ASB4: variants seen among roughly 807,000 people sequenced by gnomAD.
ASB4 encodes ankyrin repeat and SOCS box containing 4.
In ASB4, 35 loss-of-function variants were observed where a neutral mutation model predicts 38.6. That is an observed-to-expected ratio of 0.91 (90% CI 0.69 to 1.20). ASB4 has a LOEUF of 1.20. Ranked by LOEUF, ASB4 falls within the 50% of genes most tolerant of loss-of-function variation. The pLI, the probability that ASB4 is intolerant of heterozygous loss-of-function variation, is 0.00. For synonymous variants in ASB4, 195 were observed against 201.3 expected (o/e 0.97, Z 0.26); for missense variants, 557 against 527.2 (o/e 1.06, Z -0.55).
chr7:95,482,987 A>G (rs1397947849), upstream of ASB4, among the ~76,000 whole-genome samples: 1 of 152,180 alleles, frequency 6.6e-6, no homozygotes, highest in African/African-American at 2.4e-5. Context: ...GCTTAGGTTC[A>G]TGTCTATTCT....
In ASB4 at chr7:95,495,763, T is replaced by A; in HGVS notation, c.193T>A (p.Trp65Arg). The A allele has an allele frequency of 6.3e-7, 1 of 1,579,836 alleles. No individual in the cohort carries two copies. Residue 65 changes from tryptophan to arginine, a missense_variant, in exon 2 of 5, where the codon TGG becomes AGG. By Grantham distance (101) the Trp-to-Arg change is moderately radical. Transcript: ENST00000325885. ...CTTTTTTTTTTTTTTTTCAGGTTAC[T>A]GGTTGCCTAGCTATAAATTGAAGTC... ...MVLASYKQGY[W>R]LPSYKLKSSW...
rs1790771066 is a variant in ASB4, at chr7:95,528,212, C to T, written c.887C>T (p.Thr296Ile). 6.2e-7 allele frequency: 1 copy of T among 1,614,184 alleles called. No individual in the cohort carries two copies. The highest frequency in any genetic ancestry group is 8.5e-7 in the Non-Finnish European group (1 of 1,180,038). ...CAAIQYVLKV[T>I]SVRPAAQPEI... Reference sequence around the variant, plus strand: ...GCCATCCAGTACGTGCTGAAGGTCACCTCCGTGCGCCCTGCTGCCCAGCCT... The same window carrying T: ...GCCATCCAGTACGTGCTGAAGGTCATCTCCGTGCGCCCTGCTGCCCAGCCT... The change falls in exon 3 of 5, where the codon ACC (threonine) becomes ATC (isoleucine). Residue 296 changes from threonine to isoleucine, a missense_variant. Thr to Ile is a moderately conservative substitution (Grantham distance 89). Transcript: ENST00000325885.
chr7:95,529,781 G>A (rs181668378), intron 3 of ASB4, among the ~76,000 whole-genome samples: 2 of 152,072 alleles, frequency 1.3e-5, no homozygotes, highest in African/African-American at 4.8e-5. Context: ...GTTTTATACA[G>A]ACTATTTCAT....
At chr7:95,501,359 C>G (rs1790334684) in intron 2 of ASB4, among the ~76,000 whole-genome samples, 1 of 152,154 alleles carries the variant, frequency 6.6e-6, no homozygotes, top group Non-Finnish European at 1.5e-5. Flanking sequence ...ACAAGTCAAC[C>G]ACATGTTAGG....
chr7:95,528,557 C>A (rs981031320), intron 3 of ASB4: 1 of 1,417,728 alleles, frequency 7.1e-7, no homozygotes, highest in African/African-American at 1.4e-5. Context: ...TGTGTGAACA[C>A]CAGTGCACTG....
chr7:95,520,054 A>T (rs1790639290), intron 2 of ASB4, among the ~76,000 whole-genome samples: 1 of 152,232 alleles, frequency 6.6e-6, no homozygotes, highest in South Asian at 2.1e-4. Context: ...TAAAATTAAC[A>T]AAAACATCTA....
upstream of ASB4, among the ~76,000 whole-genome samples, chr7:95,475,673 C>T (rs1298419934): frequency 6.6e-5 from 10 of 152,262 alleles, no homozygotes; most frequent in South Asian, 8.3e-4. Context: ...CATGAGCCAC[C>T]GTGCCCGGCC....
chr7:95,502,316 A>G (rs919708361), intron 2 of ASB4, among the ~76,000 whole-genome samples: 1 of 151,528 alleles, frequency 6.6e-6, no homozygotes, highest in African/African-American at 2.4e-5. Context: ...CATACAAAAG[A>G]TAATACATAT....
chr7:95,472,693 C>G, the ASB4 span, among the ~76,000 whole-genome samples: 1 of 152,144 alleles, frequency 6.6e-6, no homozygotes, highest in Non-Finnish European at 1.5e-5. Context: ...GCTCTGAATT[C>G]CACAGCAGGG....
the ASB4 span, among the ~76,000 whole-genome samples, chr7:95,549,301 A>ATTTTTTTTT: frequency 2.6e-5 from 3 of 114,850 alleles, no homozygotes; most frequent in African/African-American, 1.1e-4. Context: ...AGGAGACTCC[A>ATTTTTTTTT]TTTTTTTTTT....
chr7:95,490,345 A>G (rs1790153773), intron 1 of ASB4, among the ~76,000 whole-genome samples: 1 of 151,998 alleles, frequency 6.6e-6, no homozygotes, highest in East Asian at 1.9e-4. Flanking sequence ...CCTTTCTTCG[A>G]TGTTCAAACT....
At chr7:95,480,223 A>G (rs537533144) in intron 1 of ASB4, among the ~76,000 whole-genome samples, 1 of 152,310 alleles carries the variant, frequency 6.6e-6, no homozygotes, top group South Asian at 2.1e-4. Flanking sequence ...ACATATTACC[A>G]TGTGACAAAC....
At chr7:95,473,389 G>T in the ASB4 span, among the ~76,000 whole-genome samples, 3 of 152,338 alleles carry the variant, frequency 2.0e-5, no homozygotes, top group East Asian at 5.8e-4. Flanking sequence ...GGCACAGAGA[G>T]GGTAAGCAGT....
chr7:95,502,755 A>C (rs1790359486), intron 2 of ASB4, among the ~76,000 whole-genome samples: 1 of 152,180 alleles, frequency 6.6e-6, no homozygotes, highest in Non-Finnish European at 1.5e-5. Flanking sequence ...TCATCTTAGA[A>C]GTTTTGATTG....
intron 1 of ASB4, among the ~76,000 whole-genome samples, chr7:95,480,738 G>A (rs939119905): frequency 1.3e-5 from 2 of 152,206 alleles, no homozygotes; most frequent in East Asian, 3.8e-4. Context: ...GCAGAGACAA[G>A]CCTTTCCCAC....
chr7:95,544,668 T>C (rs902780006), downstream of ASB4: 8 of 152,090 alleles, frequency 5.3e-5, no homozygotes, highest in African/African-American at 1.9e-4. Flanking sequence ...TTCCAGACTC[T>C]TTGGGGGAAT....
At chr7:95,546,063 C>G in the ASB4 span, among the ~76,000 whole-genome samples, 1 of 152,204 alleles carries the variant, frequency 6.6e-6, no homozygotes. Context: ...CTCCCTGTCA[C>G]TTAATATTTT....
chr7:95,551,051 G>C, the ASB4 span, among the ~76,000 whole-genome samples: 7 of 152,104 alleles, frequency 4.6e-5, no homozygotes, highest in Admixed American at 4.6e-4. Context: ...TGTGATCTTG[G>C]CTCACTGCAA....
chr7:95,501,479 C>T (rs764538985), intron 2 of ASB4, among the ~76,000 whole-genome samples: 1 of 152,158 alleles, frequency 6.6e-6, no homozygotes, highest in African/African-American at 2.4e-5. Context: ...ACCACCTCAC[C>T]GCATTCCATC....
Sources: allele counts gnomAD v4.1 joint callset (sites outside exome capture counted in the v4.1 genomes callset), GRCh38; gene constraint gnomAD v4.1.1; transcripts MANE v1.5; gene names NCBI Gene and HGNC (gene_info 2026-07-23, HGNC 2026-07-21).